Variants in MYO9A observed in about 807,000 individuals in gnomAD.
MYO9A encodes the protein myosin IXA.
MYO9A carries 103 observed loss-of-function variants against 293.3 expected under a neutral mutation model. The observed-to-expected ratio is 0.35, with a 90% CI of 0.30 to 0.41. The LOEUF (loss-of-function observed/expected upper bound fraction) is 0.41. Ranked by LOEUF, MYO9A falls within the 10% of genes least tolerant of loss-of-function variation. MYO9A has a pLI of 1.00. For synonymous variants in MYO9A, 1,001 were observed against 1,035.7 expected (o/e 0.97, Z 0.64); for missense variants, 2,685 against 3,033.0 (o/e 0.89, Z 2.69).
intron 1 of MYO9A, among the ~76,000 whole-genome samples, chr15:72,100,218 C>T (rs2080227175): frequency 6.6e-6 from 1 of 151,066 alleles, no homozygotes; most frequent in Non-Finnish European, 1.5e-5. Flanking sequence ...CCTGTCTCTA[C>T]AAAAAATAGA....
In MYO9A at chr15:71,897,825, G is replaced by A. The variant is rs901101020; in HGVS notation, c.4678C>T (p.Leu1560Phe). 4 of 1,614,084 alleles carry A rather than the reference G, an allele frequency of 2.5e-6. No individual in the cohort carries two copies. The highest frequency in any genetic ancestry group is 3.4e-6 in the Non-Finnish European group (4 of 1,180,014). ...TTATTTGAGGTATTTAAGCTGAGGAGAGAGGATGGCCTCTCTACTCTTTGC... is the reference window on the plus strand; with the variant it reads ...TTATTTGAGGTATTTAAGCTGAGGAAAGAGGATGGCCTCTCTACTCTTTGC... Reference protein sequence around the residue: ...SKQRVERPSSLLSLNTSNKGE... With the variant: ...SKQRVERPSSFLSLNTSNKGE... The change falls in exon 25 of 42, where the codon CTC becomes TTC. Residue 1560 changes from leucine to phenylalanine, a missense_variant. Physicochemically the swap from Leu to Phe is conservative, Grantham distance 22 (BLOSUM62 0). This residue lies in a region of MYO9A where 1,434 missense variants were observed against 1,497.7 expected (regional missense o/e 0.96). Transcript: ENST00000356056.
intron 19 of MYO9A, among the ~76,000 whole-genome samples, chr15:71,911,457 C>G (rs142516844): frequency 1.5e-3 from 229 of 152,218 alleles, no homozygotes; most frequent in African/African-American, 4.8e-3. Flanking sequence ...TAGGTTTCAC[C>G]GCTTGAAGAA....
intron 37 of MYO9A, 105 bp downstream of exon 37, chr15:71,851,148 G>A: frequency 3.4e-6 from 3 of 878,026 alleles, no homozygotes; most frequent in Non-Finnish European, 1.7e-6. Flanking sequence ...ATAAATAGAA[G>A]AAAAAATAAA....
intron 18 of MYO9A, among the ~76,000 whole-genome samples, chr15:71,926,538 G>A (rs1450988291): frequency 1.3e-5 from 2 of 152,086 alleles, no homozygotes; most frequent in Non-Finnish European, 2.9e-5. Context: ...GTGAGATCCT[G>A]TCTACCAAAA....
chr15:71,946,789 G>C (rs1160433474), intron 15 of MYO9A, among the ~76,000 whole-genome samples: 6 of 152,200 alleles, frequency 3.9e-5, no homozygotes, highest in Non-Finnish European at 8.8e-5. Flanking sequence ...TGCTGGCCTA[G>C]AGATTTATCA....
intron 4 of MYO9A, among the ~76,000 whole-genome samples, chr15:72,023,846 G>A (rs2077581686): frequency 6.6e-6 from 1 of 151,976 alleles, no homozygotes; most frequent in African/African-American, 2.4e-5. Flanking sequence ...GCACATCCAA[G>A]AAATTCAATG....
chr15:72,012,301 TA>T (rs1210513127), intron 6 of MYO9A, among the ~76,000 whole-genome samples: 1 of 152,148 alleles, frequency 6.6e-6, no homozygotes, highest in Non-Finnish European at 1.5e-5. Context: ...CTCATTAAAA[TA>T]ATTTTTTTTT....
At chr15:71,843,118 T>C (rs2055235354) in intron 39 of MYO9A, among the ~76,000 whole-genome samples, 1 of 152,178 alleles carries the variant, frequency 6.6e-6, no homozygotes, top group East Asian at 1.9e-4. Flanking sequence ...AACTCTCCTA[T>C]CTCTTCTTCT....
intron 18 of MYO9A, among the ~76,000 whole-genome samples, chr15:71,931,001 T>C (rs2058460042): frequency 6.6e-6 from 1 of 152,214 alleles, no homozygotes; most frequent in Non-Finnish European, 1.5e-5. Context: ...TGATGTTACA[T>C]TTTATATCTT....
intron 4 of MYO9A, among the ~76,000 whole-genome samples, chr15:72,026,419 A>G (rs1445234168): frequency 2.0e-5 from 3 of 151,848 alleles, no homozygotes; most frequent in Non-Finnish European, 2.9e-5. Context: ...ATGCACAAAA[A>G]CAAAACACTA....
intron 14 of MYO9A, among the ~76,000 whole-genome samples, chr15:71,956,484 C>CA (rs2059196497): frequency 6.8e-6 from 1 of 146,050 alleles, no homozygotes; most frequent in Non-Finnish European, 1.5e-5. Context: ...ACTAAAAATA[C>CA]AAAAATATAA....
chr15:72,052,280 A>C (rs1054043354), intron 1 of MYO9A, among the ~76,000 whole-genome samples: 1 of 151,804 alleles, frequency 6.6e-6, no homozygotes, highest in Non-Finnish European at 1.5e-5. Context: ...ACAGCTGAAC[A>C]CTCATCAGGA....
At position 72,003,030 on chromosome 15, in the gene MYO9A, G is replaced by A. The variant is rs1209513463; in HGVS notation, c.1381-3090C>T. Among the ~76,000 whole-genome samples the A allele has an allele frequency of 2.6e-5, 4 of 151,854 alleles. No individual in the cohort carries two copies. In the East Asian group the frequency reaches 7.8e-4, roughly 30 times the overall value. ...CATGCCTGTAATCCCAGCACTTTGG[G>A]AGACCGAGGCGGGAGGATCACCTTA... On this transcript the variant is annotated intron_variant, in intron 8 of 41. Transcript: ENST00000356056.
At chr15:71,893,073 A>T in intron 26 of MYO9A, 1 of 1,290,028 alleles carries the variant, frequency 7.8e-7, no homozygotes, top group South Asian at 1.2e-5. Flanking sequence ...CATCGTAATC[A>T]TCTTCCTCTG....
In MYO9A at chr15:72,010,351, G is replaced by A; in HGVS notation, c.1252C>T (p.Gln418Ter). Residue 418 changes from glutamine to a stop codon, truncating the protein, a stop_gained and splice_region_variant, in exon 7 of 42, where the codon CAG (glutamine) becomes TAG (stop). Coordinates refer to ENST00000356056, the MANE Select transcript of MYO9A (RefSeq NM_006901.4). LOFTEE classifies it high-confidence loss of function. ...TAAAAATACAACAAGTAAACTCACT[G>A]TCTTCGTGTCTTGGGAAGAAATCCT... ...MVGFLPKTRR[Q>*]IFSLLSAILH... 6.2e-7 allele frequency: 1 copy of A among 1,612,208 alleles called. No homozygotes were observed. The highest frequency in any genetic ancestry group is 1.1e-5 in the South Asian group (1 of 90,938).
At chr15:72,089,488 A>G (rs2079839915) in intron 1 of MYO9A, among the ~76,000 whole-genome samples, 1 of 152,122 alleles carries the variant, frequency 6.6e-6, no homozygotes, top group South Asian at 2.1e-4. Context: ...TTCCTTCAAG[A>G]ACCGTATGAG....
intron 13 of MYO9A, among the ~76,000 whole-genome samples, chr15:71,961,620 C>T (rs1461253212): frequency 3.9e-5 from 6 of 152,144 alleles, no homozygotes; most frequent in African/African-American, 1.4e-4. Context: ...TCCTATCACA[C>T]AATAAGTGGA....
At chr15:71,907,204 T>C (rs181074512) in intron 19 of MYO9A, among the ~76,000 whole-genome samples, 2,070 of 151,618 alleles carry the variant, frequency 0.014, 25 homozygotes, top group Middle Eastern at 0.041. Context: ...TTTGGTTTTT[T>C]GTTTTTGCGA....
At chr15:72,029,828 G>A (rs1481121824) in intron 3 of MYO9A, among the ~76,000 whole-genome samples, 1 of 152,172 alleles carries the variant, frequency 6.6e-6, no homozygotes, top group Non-Finnish European at 1.5e-5. Context: ...AATCTGAAAT[G>A]TAAAAGCTTT....
Sources: gnomAD v4.1 joint callset for allele counts (sites outside exome capture counted in the v4.1 genomes callset) on GRCh38, gnomAD v4.1.1 for gene constraint, gnomAD v4.1.1 regional missense constraint, MANE v1.5 for transcripts, NCBI Gene and HGNC (gene_info 2026-07-23, HGNC 2026-07-21) for gene names.